HDAC4: variants seen among roughly 807,000 people sequenced by gnomAD.
HDAC4 encodes the protein histone deacetylase 4, also known as histone deacetylase A.
A neutral mutation model predicts 135.1 loss-of-function variants in HDAC4; 16 were observed. The observed-to-expected ratio is 0.12, with a 90% CI of 0.08 to 0.18. The LOEUF (loss-of-function observed/expected upper bound fraction) is 0.18. HDAC4 is among the 10% of genes least tolerant of loss of function. The pLI is 1.00. For missense variants in HDAC4, 1,143 were observed against 1,511.8 expected (o/e 0.76, Z 4.05); for synonymous variants, 685 against 653.4 (o/e 1.05, Z -0.74).
At chr2:239,158,716 C>G (rs2042580667) in intron 6 of HDAC4, among the ~76,000 whole-genome samples, 1 of 152,032 alleles carries the variant, frequency 6.6e-6, no homozygotes, top group Non-Finnish European at 1.5e-5. Context: ...CAGAGCCCGC[C>G]CCACCGCGCA....
intron 3 of HDAC4, among the ~76,000 whole-genome samples, chr2:239,202,330 G>C (rs964339084): frequency 6.6e-6 from 1 of 152,228 alleles, no homozygotes; most frequent in Non-Finnish European, 1.5e-5. Context: ...CAGATAGAAA[G>C]ACCTGGTCTC....
chr2:239,255,295 C>CTGTGTGTGTGTGTG (rs60768204), intron 2 of HDAC4, among the ~76,000 whole-genome samples: 95 of 149,700 alleles, frequency 6.3e-4, no homozygotes, highest in African/African-American at 2.1e-3. Context: ...TGTTTTCTCA[C>CTGTGTGTGTGTGTG]TGTGTGTGTG....
At chr2:239,172,168 C>T (rs2043487985) in intron 5 of HDAC4, among the ~76,000 whole-genome samples, 2 of 151,628 alleles carry the variant, frequency 1.3e-5, no homozygotes, top group African/African-American at 2.4e-5. Flanking sequence ...CAGACCCTTA[C>T]TTTGCCAGAA....
intron 3 of HDAC4, among the ~76,000 whole-genome samples, chr2:239,227,179 G>A (rs1437563649): frequency 2.6e-5 from 4 of 152,180 alleles, no homozygotes; most frequent in African/African-American, 7.2e-5. Flanking sequence ...TGGAGGTGAA[G>A]GAGAATGAAA....
intron 18 of HDAC4, among the ~76,000 whole-genome samples, chr2:239,089,017 G>C (rs997199268): frequency 6.6e-6 from 1 of 152,172 alleles, no homozygotes; most frequent in African/African-American, 2.4e-5. Context: ...TCTCCAAGAA[G>C]GGCTAATGGT....
chr2:239,279,099 A>G (rs2050561394), intron 2 of HDAC4, among the ~76,000 whole-genome samples: 1 of 152,364 alleles, frequency 6.6e-6, no homozygotes, highest in Middle Eastern at 3.4e-3. Context: ...ATGGGGCAGC[A>G]GGGCCCACAG....
intron 15 of HDAC4, among the ~76,000 whole-genome samples, chr2:239,106,435 T>C (rs1420866968): frequency 2.0e-5 from 3 of 152,168 alleles, no homozygotes; most frequent in Non-Finnish European, 4.4e-5. Flanking sequence ...GACAGCTGTC[T>C]GGTCCTGTGG....
At chr2:239,332,140 A>C (rs1691626698) in intron 2 of HDAC4, among the ~76,000 whole-genome samples, 1 of 152,230 alleles carries the variant, frequency 6.6e-6, no homozygotes, top group South Asian at 2.1e-4. Context: ...AAACAATGCC[A>C]ATCCACAGTT....
At chr2:239,116,458 C>T (rs528051683) in intron 12 of HDAC4, among the ~76,000 whole-genome samples, 3 of 152,362 alleles carry the variant, frequency 2.0e-5, no homozygotes, top group Non-Finnish European at 2.9e-5. Context: ...GCATTGCTCA[C>T]GAGAAACGCC....
rs376236259 is a variant in HDAC4, at chr2:239,305,893, G to A, written c.22+46785C>T. Among the ~76,000 whole-genome samples the A allele has an allele frequency of 8.5e-5, 13 of 152,294 alleles. No individual in the cohort carries two copies. The East Asian group carries it at 2.3e-3, about 27-fold the overall frequency. ...GGAACGAGGCTGCCGCTGCCCACAC[G>A]GGCCCTGAATCTGACAGCATTCAAG... On this transcript the variant is annotated intron_variant, in intron 2 of 26. Transcript: ENST00000543185.
At chr2:239,389,799 C>T (rs190369023) in intron 1 of HDAC4, among the ~76,000 whole-genome samples, 1 of 152,320 alleles carries the variant, frequency 6.6e-6, no homozygotes, top group South Asian at 2.1e-4. Flanking sequence ...GAATTCCATA[C>T]CAGGGAGGCC....
At chr2:239,189,457 A>C (rs1427881991) in intron 4 of HDAC4, among the ~76,000 whole-genome samples, 1 of 152,260 alleles carries the variant, frequency 6.6e-6, no homozygotes, top group Non-Finnish European at 1.5e-5. Context: ...GTCCTAAGGA[A>C]AAGAAAACAC....
chr2:239,310,483 G>A (rs1487460979), intron 2 of HDAC4, among the ~76,000 whole-genome samples: 1 of 152,206 alleles, frequency 6.6e-6, no homozygotes, highest in African/African-American at 2.4e-5. Flanking sequence ...GATGTTCCCG[G>A]GGGGATGGCT....
At chr2:239,292,423 G>A (rs746220196) in intron 2 of HDAC4, among the ~76,000 whole-genome samples, 2 of 152,222 alleles carry the variant, frequency 1.3e-5, no homozygotes, top group Non-Finnish European at 2.9e-5. Flanking sequence ...GATGGGCAGT[G>A]GAGGCTGAGC....
intron 2 of HDAC4, among the ~76,000 whole-genome samples, chr2:239,311,333 C>G (rs1298181484): frequency 6.6e-6 from 1 of 152,172 alleles, no homozygotes; most frequent in Non-Finnish European, 1.5e-5. Flanking sequence ...AGGCACCAAG[C>G]CCGGAGACAC....
chr2:239,170,312 C>T (rs964485558), intron 5 of HDAC4, among the ~76,000 whole-genome samples: 1 of 152,140 alleles, frequency 6.6e-6, no homozygotes, highest in Non-Finnish European at 1.5e-5. Context: ...TTATAACATT[C>T]ATTACATTAA....
At chr2:239,152,907 TATTA>T (rs1490764299) in intron 7 of HDAC4, among the ~76,000 whole-genome samples, 1 of 152,208 alleles carries the variant, frequency 6.6e-6, no homozygotes, top group African/African-American at 2.4e-5. Context: ...ACTTTGCAAA[TATTA>T]ATTAATTCAC....
chr2:239,365,655 GCA>G (rs1433929816), intron 1 of HDAC4, among the ~76,000 whole-genome samples: 2 of 152,208 alleles, frequency 1.3e-5, no homozygotes, highest in African/African-American at 4.8e-5. Context: ...GGACAGACAT[GCA>G]CACACAAGCC....
At chr2:239,123,107 T>C (rs2039834837) in intron 12 of HDAC4, among the ~76,000 whole-genome samples, 1 of 152,244 alleles carries the variant, frequency 6.6e-6, no homozygotes, top group Admixed American at 6.5e-5. Context: ...ACCCGGTTTC[T>C]AAATCCTTCA....
Sources: gnomAD v4.1 joint callset for allele counts (sites outside exome capture counted in the v4.1 genomes callset) on GRCh38, gnomAD v4.1.1 for gene constraint, MANE v1.5 for transcripts, NCBI Gene and HGNC (gene_info 2026-07-23, HGNC 2026-07-21) for gene names.